ADARB2: variants seen among roughly 807,000 people sequenced by gnomAD.
ADARB2 encodes adenosine deaminase RNA specific B2 (inactive).
In ADARB2, 25 loss-of-function variants were observed where a neutral mutation model predicts 62.2. That is an observed-to-expected ratio of 0.40 (90% CI 0.29 to 0.56). The LOEUF (loss-of-function observed/expected upper bound fraction) is 0.56. Ranked by LOEUF, ADARB2 falls within the 20% of genes least tolerant of loss-of-function variation. ADARB2 has a pLI of 0.43. For missense variants in ADARB2, 1,071 were observed against 1,077.4 expected, an observed-to-expected ratio of 0.99 and a Z score of 0.08; for synonymous variants, 572 against 500.8, an observed-to-expected ratio of 1.14 and a Z score of -1.90.
chr10:1,245,436 G>A (rs1165045021), intron 4 of ADARB2, among the ~76,000 whole-genome samples: 7 of 152,022 alleles, frequency 4.6e-5, no homozygotes, highest in African/African-American at 1.5e-4. Context: ...TGCTGCACCT[G>A]TTAACTTGTC....
rs1293507033 is a variant in ADARB2, at chr10:1,534,091, AC to A, written c.101-154932del. 4.0e-5 allele frequency among the ~76,000 whole-genome samples: 6 copies of A among 151,464 alleles called. No individual in the cohort carries two copies. The East Asian group carries it at 1.2e-3, about 29-fold the overall frequency. On this transcript the variant is annotated intron_variant, in intron 1 of 9. Transcript: ENST00000381312. The stretch of plus-strand genomic sequence containing the variant: ...TGATTTAGTTTCTGAGGAGACAAAC[AC>A]TAGGGTTAAGAAGGATTAGAAGGCG...
chr10:1,658,024 CTGTG>C (rs1239734363), intron 1 of ADARB2, among the ~76,000 whole-genome samples: 4 of 136,986 alleles, frequency 2.9e-5, no homozygotes, highest in South Asian at 2.4e-4. Flanking sequence ...TTATCTGATC[CTGTG>C]TGTGTCTGTG....
chr10:1,226,906 G>C, intron 6 of ADARB2, among the ~76,000 whole-genome samples: 1 of 152,190 alleles, frequency 6.6e-6, no homozygotes, highest in Admixed American at 6.5e-5. Context: ...CATGATGGGA[G>C]AACCACTACT....
chr10:1,373,467 G>A (rs1239947146), intron 2 of ADARB2, among the ~76,000 whole-genome samples: 2 of 152,186 alleles, frequency 1.3e-5, no homozygotes, highest in Non-Finnish European at 2.9e-5. Context: ...TAACCAGTGC[G>A]TGTACGAGTG....
At chr10:1,190,932 C>T (rs981927906) in intron 8 of ADARB2, among the ~76,000 whole-genome samples, 4 of 152,222 alleles carry the variant, frequency 2.6e-5, no homozygotes, top group East Asian at 1.9e-4. Flanking sequence ...GGTCTAAGGA[C>T]GGAGTGAGCA....
intron 3 of ADARB2, among the ~76,000 whole-genome samples, chr10:1,284,986 G>GC (rs2131807109): frequency 6.6e-6 from 1 of 152,284 alleles, no homozygotes; most frequent in South Asian, 2.1e-4. Flanking sequence ...GGACAGGTGA[G>GC]TGGCTGGGGA....
At chr10:1,313,320 C>T (rs1831708923) in intron 3 of ADARB2, among the ~76,000 whole-genome samples, 1 of 152,220 alleles carries the variant, frequency 6.6e-6, no homozygotes, top group East Asian at 1.9e-4. Flanking sequence ...ATCGCCACTC[C>T]TTGGGCCTTC....
intron 1 of ADARB2, among the ~76,000 whole-genome samples, chr10:1,619,511 G>A (rs984398367): frequency 6.6e-6 from 1 of 152,150 alleles, no homozygotes; most frequent in Non-Finnish European, 1.5e-5. Context: ...GAGTGCAGTG[G>A]TGCGATCTTG....
intron 1 of ADARB2, among the ~76,000 whole-genome samples, chr10:1,653,496 ACGCCTTGTG>A: frequency 6.6e-6 from 1 of 152,038 alleles, no homozygotes; most frequent in African/African-American, 2.4e-5. Context: ...TCTCCACCCG[ACGCCTTGTG>A]TGCCTGCAGA....
intron 5 of ADARB2, chr10:1,240,426 G>A (rs1249489859): frequency 1.3e-5 from 2 of 152,204 alleles, no homozygotes; most frequent in Non-Finnish European, 2.9e-5. Context: ...CTGCCCCATG[G>A]GTGATGGATT....
intron 6 of ADARB2, among the ~76,000 whole-genome samples, chr10:1,227,483 T>C (rs1830758824): frequency 6.6e-6 from 1 of 152,236 alleles, no homozygotes; most frequent in South Asian, 2.1e-4. Context: ...AGAAATCACC[T>C]GTCTTCTGCG....
chr10:1,358,878 C>G (rs1052982500), intron 3 of ADARB2, among the ~76,000 whole-genome samples: 3 of 151,648 alleles, frequency 2.0e-5, no homozygotes, highest in African/African-American at 7.2e-5. Flanking sequence ...AGTTACTGAG[C>G]ACACAGGTGA....
intron 3 of ADARB2, among the ~76,000 whole-genome samples, chr10:1,307,512 G>C (rs1274673219): frequency 2.8e-5 from 4 of 141,752 alleles, no homozygotes; most frequent in African/African-American, 1.0e-4. Flanking sequence ...CATTGTGGAA[G>C]TCAGTGTGGT....
At chr10:1,595,364 C>A (rs1833318825) in intron 1 of ADARB2, among the ~76,000 whole-genome samples, 1 of 152,186 alleles carries the variant, frequency 6.6e-6, no homozygotes, top group South Asian at 2.1e-4. Context: ...CAACTGAGCA[C>A]CCGGCAGTGG....
chr10:1,280,213 C>T (rs1283176963), intron 3 of ADARB2, among the ~76,000 whole-genome samples: 4 of 152,214 alleles, frequency 2.6e-5, no homozygotes, highest in Admixed American at 2.0e-4. Flanking sequence ...TCTCCAAATA[C>T]AGCCACACTG....
chr10:1,224,185 C>T (rs1049433393), intron 6 of ADARB2, among the ~76,000 whole-genome samples: 1 of 152,176 alleles, frequency 6.6e-6, no homozygotes, highest in African/African-American at 2.4e-5. Flanking sequence ...TTATCCATTT[C>T]TTCTAGATTT....
chr10:1,297,489 G>A (rs1411176726), intron 3 of ADARB2, among the ~76,000 whole-genome samples: 1 of 152,140 alleles, frequency 6.6e-6, no homozygotes, highest in Non-Finnish European at 1.5e-5. Context: ...CACTGATAAG[G>A]TGGGGCCTTG....
At chr10:1,358,939 C>A (rs947006895) in intron 3 of ADARB2, among the ~76,000 whole-genome samples, 7 of 152,112 alleles carry the variant, frequency 4.6e-5, no homozygotes, top group Non-Finnish European at 1.0e-4. Flanking sequence ...CTTTATTCTC[C>A]TTTCTAAATA....
At chr10:1,358,816 A>G (rs748509232) in intron 3 of ADARB2, among the ~76,000 whole-genome samples, 12 of 152,202 alleles carry the variant, frequency 7.9e-5, no homozygotes, top group Non-Finnish European at 1.2e-4. Context: ...TAAAGGGGGT[A>G]CTTGAGGGTG....
Sources: gnomAD v4.1 joint callset for allele counts (sites outside exome capture counted in the v4.1 genomes callset) on GRCh38, gnomAD v4.1.1 for gene constraint, MANE v1.5 for transcripts, NCBI Gene and HGNC (gene_info 2026-07-23, HGNC 2026-07-21) for gene names.